Variants in TLK1 observed in about 807,000 individuals in gnomAD.
The protein encoded by TLK1 is serine/threonine-protein kinase tousled-like 1.
TLK1 carries 24 observed loss-of-function variants against 105.3 expected under a neutral mutation model. The ratio of observed to expected loss-of-function variants is 0.23; its 90% CI spans 0.17 to 0.32. The LOEUF (loss-of-function observed/expected upper bound fraction) is 0.32. Ranked by LOEUF, TLK1 falls within the 10% of genes least tolerant of loss-of-function variation. The pLI is 1.00. For missense variants in TLK1, 558 were observed against 910.5 expected (o/e 0.61, Z 4.98); for synonymous variants, 321 against 310.4 (o/e 1.03, Z -0.36).
At chr2:171,146,065 A>C (rs1691779565) in intron 1 of TLK1, among the ~76,000 whole-genome samples, 1 of 152,200 alleles carries the variant, frequency 6.6e-6, no homozygotes, top group African/African-American at 2.4e-5. Flanking sequence ...TATGAAAGAT[A>C]AAATATATAA....
chr2:171,200,036 T>C (rs1186773053), intron 1 of TLK1, among the ~76,000 whole-genome samples: 1 of 152,148 alleles, frequency 6.6e-6, no homozygotes, highest in Non-Finnish European at 1.5e-5. Flanking sequence ...CTAGCATAAA[T>C]GTGAGAGACT....
chr2:171,066,131 T>C (rs1687982393), intron 3 of TLK1, among the ~76,000 whole-genome samples: 1 of 152,214 alleles, frequency 6.6e-6, no homozygotes, highest in Non-Finnish European at 1.5e-5. Flanking sequence ...AGTTAAAACT[T>C]TAATATTGAT....
At chr2:171,157,653 G>A in intron 1 of TLK1, among the ~76,000 whole-genome samples, 1 of 152,104 alleles carries the variant, frequency 6.6e-6, no homozygotes, top group South Asian at 2.1e-4. Flanking sequence ...ACAACATACA[G>A]CATCAAAAAT....
chr2:171,132,889 C>T (rs763700749), intron 1 of TLK1, among the ~76,000 whole-genome samples: 26 of 152,234 alleles, frequency 1.7e-4, no homozygotes, highest in Non-Finnish European at 3.4e-4. Context: ...AACACTAAAT[C>T]TAAATCTCAA....
At chr2:171,081,364 A>C (rs1466670433) in intron 3 of TLK1, among the ~76,000 whole-genome samples, 1 of 152,228 alleles carries the variant, frequency 6.6e-6, no homozygotes, top group Non-Finnish European at 1.5e-5. Flanking sequence ...TTTAGTGAAC[A>C]GAAAAGAGAA....
Position 171,147,851 on chromosome 2 carries a change from T to C in TLK1, c.139+12439A>G, listed in dbSNP as rs776626286. Among the ~76,000 whole-genome samples the C allele has an allele frequency of 5.5e-4, 84 of 152,166 alleles. 1 individual carries two copies. Among genetic ancestry groups the C allele is most frequent in the Admixed American group, 1.2e-3 (19 of 15,278 alleles). ...TACCATTTAAGCATCAAGCACTAGATTTGGATTAGCAGTGTTTATACTTTG... is the reference window on the plus strand; with the variant it reads ...TACCATTTAAGCATCAAGCACTAGACTTGGATTAGCAGTGTTTATACTTTG... On this transcript the variant is annotated intron_variant, in intron 1 of 20. Coordinates refer to ENST00000431350, the MANE Select transcript of TLK1 (RefSeq NM_012290.5).
At chr2:171,145,292 TACAA>T (rs1361876292) in intron 1 of TLK1, among the ~76,000 whole-genome samples, 1 of 146,032 alleles carries the variant, frequency 6.8e-6, no homozygotes, top group African/African-American at 2.6e-5. Context: ...AGACACAGAC[TACAA>T]ACAAACAAAA....
intron 3 of TLK1, among the ~76,000 whole-genome samples, chr2:171,071,237 G>T (rs1438478558): frequency 6.6e-6 from 1 of 151,198 alleles, no homozygotes; most frequent in Non-Finnish European, 1.5e-5. Flanking sequence ...TCCTCGCTTT[G>T]TTGATTGTTT....
At chr2:171,188,824 G>A (rs566682832) in intron 1 of TLK1, among the ~76,000 whole-genome samples, 10 of 150,062 alleles carry the variant, frequency 6.7e-5, no homozygotes, top group South Asian at 6.4e-4. Flanking sequence ...GCAGTGAGCC[G>A]AGATCAGGCC....
At chr2:171,154,959 T>A (rs950189457) in intron 1 of TLK1, among the ~76,000 whole-genome samples, 1 of 152,196 alleles carries the variant, frequency 6.6e-6, no homozygotes, top group African/African-American at 2.4e-5. Context: ...AGAGATTATG[T>A]GCCATGCAAA....
chr2:171,024,418 G>T (rs929385594), intron 12 of TLK1, among the ~76,000 whole-genome samples: 2 of 152,034 alleles, frequency 1.3e-5, no homozygotes, highest in African/African-American at 2.4e-5. Flanking sequence ...GAATGAAAAA[G>T]AATGTGTATG....
At position 171,115,735 on chromosome 2, in the gene TLK1, G is replaced by A. The variant is rs901090923; in HGVS notation, c.258+2004C>T. 5.3e-5 allele frequency among the ~76,000 whole-genome samples: 8 copies of A among 152,040 alleles called. No individual in the cohort carries two copies. In the East Asian group the frequency reaches 5.8e-4, roughly 11 times the overall value. On this transcript the variant is annotated intron_variant, in intron 2 of 20. Coordinates refer to ENST00000431350, the MANE Select transcript of TLK1 (RefSeq NM_012290.5). ...ATAATCAGGTAACATAATGCTAGAC[G>A]AATTTTCTCAAATTCAAGAATCAAT...
intron 18 of TLK1, 130 bp downstream of exon 18, chr2:171,006,017 G>C (rs958171490): frequency 1.7e-5 from 15 of 902,620 alleles, no homozygotes; most frequent in Non-Finnish European, 1.9e-5. Flanking sequence ...TCTCAACTGA[G>C]AGCTTAATAT....
chr2:170,995,509 C>T (rs887057430), intron 20 of TLK1, among the ~76,000 whole-genome samples: 1 of 151,982 alleles, frequency 6.6e-6, no homozygotes, highest in Non-Finnish European at 1.5e-5. Context: ...TTGGCAACTC[C>T]ACTCCTCCTG....
chr2:171,166,907 A>G (rs1692619094), intron 1 of TLK1, among the ~76,000 whole-genome samples: 1 of 152,260 alleles, frequency 6.6e-6, no homozygotes, highest in African/African-American at 2.4e-5. Flanking sequence ...AAATGCTCAC[A>G]AATATAATGC....
intron 1 of TLK1, among the ~76,000 whole-genome samples, chr2:171,143,761 G>C (rs896557236): frequency 2.0e-5 from 3 of 152,008 alleles, no homozygotes; most frequent in Non-Finnish European, 2.9e-5. Context: ...TAATGCAAAA[G>C]ACAGCAGTAG....
At chr2:171,146,449 G>A (rs148590024) in intron 1 of TLK1, among the ~76,000 whole-genome samples, 11 of 152,076 alleles carry the variant, frequency 7.2e-5, no homozygotes, top group African/African-American at 2.7e-4. Context: ...AAAATATAAA[G>A]AACAACTGGT....
intron 3 of TLK1, among the ~76,000 whole-genome samples, chr2:171,070,602 G>A (rs1011819620): frequency 6.6e-6 from 1 of 152,184 alleles, no homozygotes; most frequent in African/African-American, 2.4e-5. Flanking sequence ...GCAAATGACA[G>A]ATTGCATTCT....
chr2:171,109,765 G>C (rs1277848160), intron 2 of TLK1, among the ~76,000 whole-genome samples: 1 of 151,992 alleles, frequency 6.6e-6, no homozygotes, highest in Non-Finnish European at 1.5e-5. Flanking sequence ...GCATAACTGT[G>C]GTATATCCAT....
Sources: gnomAD v4.1 joint callset for allele counts (sites outside exome capture counted in the v4.1 genomes callset) on GRCh38, gnomAD v4.1.1 for gene constraint, MANE v1.5 for transcripts, NCBI Gene and HGNC (gene_info 2026-07-23, HGNC 2026-07-21) for gene names.